Variants in POR observed in about 807,000 individuals in gnomAD.
The protein encoded by POR is NADPH--cytochrome P450 reductase.
In POR, 56 loss-of-function variants were observed where a neutral mutation model predicts 84.0. That is an observed-to-expected ratio of 0.67 (90% confidence interval 0.54 to 0.83). POR has a LOEUF of 0.83. Ranked by LOEUF, POR falls within the 40% of genes least tolerant of loss-of-function variation. POR has a pLI of 0.00. For missense variants in POR, 938 were observed against 944.3 expected (o/e 0.99, Z 0.09); for synonymous variants, 414 against 400.5 (o/e 1.03, Z -0.40).
intron 3 of POR, among the ~76,000 whole-genome samples, chr7:75,975,375 C>G (rs1554556687): frequency 6.6e-6 from 1 of 152,160 alleles, no homozygotes; most frequent in African/African-American, 2.4e-5. Flanking sequence ...CGCAGTGGCT[C>G]ATGCCTGTAA....
At chr7:75,969,551 G>A (rs1266287401) in intron 2 of POR, among the ~76,000 whole-genome samples, 2 of 152,206 alleles carry the variant, frequency 1.3e-5, no homozygotes, top group Non-Finnish European at 2.9e-5. Flanking sequence ...AGGCACTCAC[G>A]GGGCACTGGA....
chr7:75,920,097 ACT>A (rs1333732038), intron 1 of POR, among the ~76,000 whole-genome samples: 1 of 111,874 alleles, frequency 8.9e-6, no homozygotes, highest in Non-Finnish European at 1.6e-5. Flanking sequence ...ACAGAGTCTG[ACT>A]CTCTCGCCTA....
chr7:75,973,714 C>T (rs1215941529), intron 3 of POR, among the ~76,000 whole-genome samples: 6 of 126,140 alleles, frequency 4.8e-5, no homozygotes, highest in Admixed American at 9.4e-5. Context: ...CAGAGTCTCG[C>T]TCTGTCGCCC....
At chr7:75,964,466 C>T (rs1239911765) in intron 2 of POR, among the ~76,000 whole-genome samples, 2 of 152,090 alleles carry the variant, frequency 1.3e-5, no homozygotes, top group Non-Finnish European at 2.9e-5. Context: ...TGCCACCACA[C>T]CCGGCTAATT....
rs577963982 is a variant in POR, at chr7:75,937,301, A to C, written c.-4-16688A>C. Reference sequence around the variant, plus strand: ...GAAACCCCATCTCTACAAAAAAAAAAAAAAAACAAAAAAACCAAAAATTAG... The same window carrying C: ...GAAACCCCATCTCTACAAAAAAAAACAAAAAACAAAAAAACCAAAAATTAG... On this transcript the variant is annotated intron_variant, in intron 1 of 15. Transcript: ENST00000461988. 3.4e-4 allele frequency among the ~76,000 whole-genome samples: 51 copies of C among 150,090 alleles called. No individual in the cohort carries two copies. The South Asian group carries it at 5.1e-3, about 15-fold the overall frequency.
intron 2 of POR, chr7:75,971,214 A>C (rs1171358581): frequency 6.6e-6 from 1 of 151,566 alleles, no homozygotes; most frequent in East Asian, 1.9e-4. Context: ...TCCCGCCTCA[A>C]CCTCCCAAAG....
At chr7:75,928,588 GA>G (rs1239312129) in intron 1 of POR, among the ~76,000 whole-genome samples, 1 of 152,214 alleles carries the variant, frequency 6.6e-6, no homozygotes, top group Non-Finnish European at 1.5e-5. Flanking sequence ...AATGACAAGA[GA>G]AAAAGCTGCT....
At chr7:75,985,536 G>A in intron 12 of POR, 43 bp from the exon 13 acceptor site, 1 of 1,482,856 alleles carries the variant, frequency 6.7e-7, no homozygotes, top group South Asian at 1.4e-5. Flanking sequence ...GGCTGGGCAA[G>A]GGCCTCGGTG....
intron 1 of POR, among the ~76,000 whole-genome samples, chr7:75,943,359 A>C (rs1787033592): frequency 6.6e-6 from 1 of 152,112 alleles, no homozygotes; most frequent in Admixed American, 6.6e-5. Flanking sequence ...AAATAGTCAC[A>C]CCAGACTTTA....
chr7:75,932,460 G>C (rs1807468186), intron 1 of POR, among the ~76,000 whole-genome samples: 2 of 152,154 alleles, frequency 1.3e-5, no homozygotes, highest in Admixed American at 6.6e-5. Flanking sequence ...GGGACTACAG[G>C]CATGTACCAC....
intron 3 of POR, among the ~76,000 whole-genome samples, chr7:75,977,852 C>T (rs1424387374): frequency 6.6e-6 from 1 of 152,188 alleles, no homozygotes; most frequent in East Asian, 1.9e-4. Flanking sequence ...CTGCAGAGAA[C>T]CTCACATGTG....
intron 1 of POR, 71 bp from the exon 2 acceptor site, chr7:75,953,917 TG>T: frequency 7.9e-7 from 1 of 1,261,818 alleles, no homozygotes; most frequent in Non-Finnish European, 1.1e-6. Flanking sequence ...AGCATTTAGG[TG>T]GGCACCCCAG....
rs1554559287 is a variant in POR at position 75,985,987 on chromosome 7, C to T, written c.1734C>T (p.Tyr578=). Reference sequence around the variant, plus strand: ...GCCGCTCGGATGAGGACTACCTGTACCGGGAGGAGCTGGCGCAGTTCCACA... The same window carrying T: ...GCCGCTCGGATGAGGACTACCTGTATCGGGAGGAGCTGGCGCAGTTCCACA... Residue 578 remains tyrosine, a synonymous_variant, in exon 14 of 16, where the codon TAC becomes TAT. Coordinates refer to ENST00000461988, the MANE Select transcript of POR (RefSeq NM_000941.3). The T allele has an allele frequency of 6.3e-7, 1 of 1,579,338 alleles. No homozygotes were observed. Among genetic ancestry groups the T allele is most frequent in the South Asian group, 1.2e-5 (1 of 86,364 alleles).
At chr7:75,983,956 C>T (rs72557944) in intron 10 of POR, 100 bp downstream of exon 10, 309 of 928,030 alleles carry the variant, frequency 3.3e-4, no homozygotes, top group Non-Finnish European at 4.0e-4. Context: ...CCTGAAGCCC[C>T]GGTGCCTGGG....
At chr7:75,920,639 G>A (rs1375560907) in intron 1 of POR, among the ~76,000 whole-genome samples, 2 of 152,012 alleles carry the variant, frequency 1.3e-5, no homozygotes, top group Non-Finnish European at 2.9e-5. Flanking sequence ...GGTGATGCCG[G>A]TGTTCTTAGA....
chr7:75,918,728 T>C (rs1806701102), intron 1 of POR: 1 of 152,108 alleles, frequency 6.6e-6, no homozygotes, highest in Non-Finnish European at 1.5e-5. Flanking sequence ...CTCAAGATGA[T>C]GGGGTGAGGC....
chr7:75,979,401 C>T (rs782804369), intron 3 of POR, 50 bp from the exon 4 acceptor site: 12 of 1,596,870 alleles, frequency 7.5e-6, no homozygotes, highest in Non-Finnish European at 1.0e-5. Context: ...TTCACCGGAG[C>T]CGTGGCTGAG....
Position 75,982,011 on chromosome 7 carries a change from G to A in POR, c.732-213G>A, listed in dbSNP as rs1789077395. ...TGCCCAGCCCTGCCCCGGCTTCTGG[G>A]CGTCTGGCCCCCGGCAGCTCCACGC... On this transcript the variant is annotated intron_variant, in intron 7 of 15. Transcript: ENST00000461988. 4 of 584,966 alleles carry A rather than the reference G, an allele frequency of 6.8e-6. No homozygotes were observed. The Admixed American group carries it at 1.2e-4, about 17-fold the overall frequency. 36.2% of individuals were successfully genotyped at this position (584,966 alleles called of 1,614,324 possible).
chr7:75,986,592 C>T lies in POR; in HGVS notation c.*111C>T, dbSNP rs782220184. On this transcript the variant is annotated 3_prime_UTR_variant, in exon 16 of 16. Transcript: ENST00000461988. Reference sequence around the variant, plus strand: ...GCTTGGCCTTGGCATGGGCGCAGGCCCAGTGACAAAGACTCCTCTGGGCCT... The same window carrying T: ...GCTTGGCCTTGGCATGGGCGCAGGCTCAGTGACAAAGACTCCTCTGGGCCT... 1.4e-6 allele frequency: 2 copies of T among 1,382,334 alleles called. No individual in the cohort carries two copies. Among genetic ancestry groups the T allele is most frequent in the Non-Finnish European group, 2.0e-6 (2 of 1,024,902 alleles). The allele number at this position is 1,382,334 out of a possible 1,614,324, so 85.6% of individuals were successfully genotyped here. A position where few individuals can be genotyped will look rare whatever the true frequency, so the allele number is the denominator to read the frequency against.
Sources: gnomAD v4.1 joint callset for allele counts (sites outside exome capture counted in the v4.1 genomes callset) on GRCh38, gnomAD v4.1.1 for gene constraint, MANE v1.5 for transcripts, NCBI Gene and HGNC (gene_info 2026-07-23, HGNC 2026-07-21) for gene names.